The following PER3 variants were observed in gnomAD, a reference collection of about 807,000 sequenced individuals.
The protein encoded by PER3 is period circadian protein homolog 3.
Under a neutral mutation model 127.2 loss-of-function variants are expected in PER3, and 107 were observed. That is an observed-to-expected ratio of 0.84 (90% CI 0.72 to 0.99). The LOEUF is 0.99. PER3 is among the 50% of genes least tolerant of loss of function. PER3 has a pLI of 0.00. For missense variants in PER3, 1,560 were observed against 1,525.8 expected (o/e 1.02, Z -0.37); for synonymous variants, 618 against 585.8 (o/e 1.05, Z -0.79).
At chr1:7,800,238 G>A (rs748999126) in intron 7 of PER3, among the ~76,000 whole-genome samples, 6 of 146,060 alleles carry the variant, frequency 4.1e-5, no homozygotes, top group Non-Finnish European at 3.0e-5. Context: ...CTTGAGTCTC[G>A]CTCTGTTACC....
At chr1:7,795,725 T>C (rs1156769551) in intron 6 of PER3, among the ~76,000 whole-genome samples, 4 of 152,252 alleles carry the variant, frequency 2.6e-5, no homozygotes, top group African/African-American at 9.6e-5. Context: ...CGAAGTGTTT[T>C]ATTTCAGTTT....
chr1:7,808,764 C>T, intron 10 of PER3, 129 bp from the exon 11 acceptor site: 1 of 648,062 alleles, frequency 1.5e-6, no homozygotes, highest in South Asian at 1.8e-5. Context: ...ATTCTAGCCT[C>T]ATATTTTTTC....
At chr1:7,842,484 C>T (rs569905865) in intron 21 of PER3, 188 bp from the exon 22 acceptor site, 30 of 302,502 alleles carry the variant, frequency 9.9e-5, no homozygotes, top group Non-Finnish European at 1.3e-4. Context: ...TGGGTGACAC[C>T]GCAAGACTCT....
At chr1:7,807,047 TC>T (rs1406659032) in intron 10 of PER3, among the ~76,000 whole-genome samples, 2 of 152,050 alleles carry the variant, frequency 1.3e-5, no homozygotes, top group African/African-American at 4.8e-5. Flanking sequence ...ATGTATTTGT[TC>T]CTTTAGCAAA....
rs1578010220 is a variant in PER3 at position 7,842,733 on chromosome 1, T to C, written c.3611T>C (p.Val1204Ala). ...ADGAATSCGQ[V>A]LVEDSC ...GGTGCGGCCACATCCTGTGGTCAGGTTCTGGTAGAAGACAGCTGTTGAGTG... is the reference window on the plus strand; with the variant it reads ...GGTGCGGCCACATCCTGTGGTCAGGCTCTGGTAGAAGACAGCTGTTGAGTG... Residue 1204 changes from valine (V) to alanine (A), a missense_variant, in exon 22 of 22, where the codon GTT (valine) becomes GCT (alanine). Physicochemically the swap from Val to Ala is moderately conservative, Grantham distance 64. Transcript: ENST00000377532. 4 of 1,613,354 alleles carry C rather than the reference T, an allele frequency of 2.5e-6. No individual in the cohort carries two copies. The South Asian group carries it at 3.3e-5, about 13-fold the overall frequency.
intron 7 of PER3, among the ~76,000 whole-genome samples, chr1:7,799,685 A>G (rs1399021916): frequency 6.6e-6 from 1 of 151,838 alleles, no homozygotes; most frequent in Non-Finnish European, 1.5e-5. Flanking sequence ...ACTACAATAA[A>G]TATGGCTCAT....
chr1:7,820,290 T>G, intron 15 of PER3, 51 bp downstream of exon 15: 1 of 1,571,632 alleles, frequency 6.4e-7, no homozygotes, highest in Non-Finnish European at 8.7e-7. Context: ...AAATACATCC[T>G]TCTTGTTTCT....
In PER3 at chr1:7,837,135, G is replaced by T. The variant is rs2097362450; in HGVS notation, c.3535G>T (p.Glu1179Ter). 1 of 1,613,176 alleles carries T rather than the reference G, an allele frequency of 6.2e-7. No homozygotes were observed. Among genetic ancestry groups the T allele is most frequent in the Admixed American group, 1.7e-5 (1 of 59,766 alleles). The change falls in exon 21 of 22, where the codon GAA becomes TAA. Residue 1179 changes from glutamate (E) to a stop codon, truncating the protein, a stop_gained. Coordinates refer to ENST00000377532, the MANE Select transcript of PER3 (RefSeq NM_001377275.1). LOFTEE classifies it low-confidence loss of function (END_TRUNC). Reference protein sequence around the residue: ...NWIQSQTVTQEIDIQACVTCE... With the variant: ...NWIQSQTVTQ ...GATTCAAAGCCAGACTGTCACTCAAGAAATCGACATTCAAGTAAGCACAGT... is the reference window on the plus strand; with the variant it reads ...GATTCAAAGCCAGACTGTCACTCAATAAATCGACATTCAAGTAAGCACAGT...
At chr1:7,807,896 A>G (rs2097201923) in intron 10 of PER3, among the ~76,000 whole-genome samples, 1 of 152,178 alleles carries the variant, frequency 6.6e-6, no homozygotes, top group South Asian at 2.1e-4. Context: ...AGCACTTGGA[A>G]TAATAAGGAT....
intron 19 of PER3, among the ~76,000 whole-genome samples, chr1:7,831,224 G>T (rs1189399297): frequency 6.6e-6 from 1 of 152,132 alleles, no homozygotes; most frequent in Non-Finnish European, 1.5e-5. Context: ...TGATGCTACT[G>T]AAAATGGCAT....
At chr1:7,818,012 C>T (rs1354756267) in intron 13 of PER3, among the ~76,000 whole-genome samples, 2 of 152,128 alleles carry the variant, frequency 1.3e-5, no homozygotes, top group Non-Finnish European at 2.9e-5. Context: ...GGACACTGCA[C>T]CTCCGCCGCA....
At chr1:7,806,795 T>TAAAAAAAAAAAAAAAAA (rs71567316) in intron 10 of PER3, among the ~76,000 whole-genome samples, 2 of 91,904 alleles carry the variant, frequency 2.2e-5, no homozygotes, top group Admixed American at 3.4e-4. Context: ...CCCTGTCTCT[T>TAAAAAAAAAAAAAAAAA]AAAAAAAAAA....
At chr1:7,788,448 C>T (rs547389839) in intron 5 of PER3, 164 of 571,784 alleles carry the variant, frequency 2.9e-4, no homozygotes, top group African/African-American at 2.8e-3. Flanking sequence ...TCCATTTTGT[C>T]ACATCTGTTT....
chr1:7,829,561 C>T (rs1009857344), intron 18 of PER3, among the ~76,000 whole-genome samples: 6 of 152,086 alleles, frequency 3.9e-5, no homozygotes, highest in East Asian at 1.9e-4. Context: ...ATAACCAAGA[C>T]GGCTACTGAG....
intron 10 of PER3, among the ~76,000 whole-genome samples, chr1:7,808,262 A>G (rs927639185): frequency 6.8e-6 from 1 of 146,664 alleles, no homozygotes; most frequent in Non-Finnish European, 1.5e-5. Flanking sequence ...AAAAAAAACT[A>G]GTATAGTACA....
intron 5 of PER3, among the ~76,000 whole-genome samples, chr1:7,789,571 G>C (rs887982591): frequency 3.9e-5 from 6 of 151,978 alleles, no homozygotes; most frequent in East Asian, 1.9e-4. Flanking sequence ...CCCAATCTTG[G>C]GTCTGTCTTT....
At chr1:7,825,435 C>T (rs2097297093) in intron 16 of PER3, among the ~76,000 whole-genome samples, 1 of 152,136 alleles carries the variant, frequency 6.6e-6, no homozygotes, top group Non-Finnish European at 1.5e-5. Flanking sequence ...TGGAACTCCG[C>T]AGCAGTGTAG....
In PER3 at chr1:7,844,380, G is replaced by T. The variant is rs1481461906; in HGVS notation, c.*1625G>T. On this transcript the variant is annotated 3_prime_UTR_variant, in exon 22 of 22. Transcript: ENST00000377532. ...AGTGATTTCTGAAGCGTTTGTGTGT[G>T]TGTTGATCAGGTTGTGTGATATTTT... 4 of 152,662 alleles carry T rather than the reference G, an allele frequency of 2.6e-5. No individual in the cohort carries two copies. The highest frequency in any genetic ancestry group is 1.5e-5 in the Non-Finnish European group (1 of 68,250). The allele number at this position is 152,662 out of a possible 1,614,324, so 9.5% of individuals were successfully genotyped here.
At chr1:7,827,046 C>T in intron 17 of PER3, 72 bp from the exon 18 acceptor site, 1 of 1,166,504 alleles carries the variant, frequency 8.6e-7, no homozygotes, top group Non-Finnish European at 1.2e-6. Context: ...CTTATAACTA[C>T]CTGTAAGTGG....
Sources: allele counts gnomAD v4.1 joint callset (sites outside exome capture counted in the v4.1 genomes callset), GRCh38; gene constraint gnomAD v4.1.1; transcripts MANE v1.5; gene names NCBI Gene and HGNC (gene_info 2026-07-23, HGNC 2026-07-21).